ENTREP2: variants seen among roughly 807,000 people sequenced by gnomAD.
ENTREP2 encodes protein ENTREP2.
At chr15:29,573,631 C>CTG in the ENTREP2 span, among the ~76,000 whole-genome samples, 2 of 141,026 alleles carry the variant, frequency 1.4e-5, no homozygotes, top group East Asian at 5.5e-4. Flanking sequence ...TCTCTCTCTT[C>CTG]TCTCTCTCTC....
At chr15:29,489,507 T>C in the ENTREP2 span, among the ~76,000 whole-genome samples, 1 of 152,234 alleles carries the variant, frequency 6.6e-6, no homozygotes. Context: ...ATTCTGTATG[T>C]GCGTATTTTA....
At chr15:29,267,956 T>C in the ENTREP2 span, 1 of 152,224 alleles carries the variant, frequency 6.6e-6, no homozygotes, top group Admixed American at 6.5e-5. Flanking sequence ...ATGGTTACGC[T>C]ATTGTTTTAT....
chr15:29,620,729 A>G, the ENTREP2 span, among the ~76,000 whole-genome samples: 1 of 152,066 alleles, frequency 6.6e-6, no homozygotes, highest in African/African-American at 2.4e-5. Context: ...GGGAAGAAGG[A>G]GTTCATGGAA....
the ENTREP2 span, chr15:29,452,791 A>G: frequency 1.3e-5 from 2 of 150,160 alleles, no homozygotes; most frequent in East Asian, 2.0e-4. Flanking sequence ...TCAACATAAC[A>G]CTTAAAGCAA....
the ENTREP2 span, among the ~76,000 whole-genome samples, chr15:29,241,587 G>A: frequency 3.6e-4 from 55 of 152,110 alleles, no homozygotes; most frequent in East Asian, 9.5e-3. Context: ...AAAAAGAAAG[G>A]GAAAATAGTT....
At chr15:29,666,749 C>A in the ENTREP2 span, among the ~76,000 whole-genome samples, 3 of 152,172 alleles carry the variant, frequency 2.0e-5, no homozygotes, top group Non-Finnish European at 2.9e-5. Context: ...AGTGGCCTTC[C>A]TTGACACTGT....
At chr15:29,128,678 G>A in the ENTREP2 span, 18 of 832,630 alleles carry the variant, frequency 2.2e-5, no homozygotes, top group South Asian at 4.3e-5. Flanking sequence ...AGAAATGGAG[G>A]GAGGAGGAGG....
At chr15:29,296,545 C>A in the ENTREP2 span, among the ~76,000 whole-genome samples, 1 of 152,090 alleles carries the variant, frequency 6.6e-6, no homozygotes, top group South Asian at 2.1e-4. Context: ...GAACCTAAAG[C>A]AAAGTAAAAA....
At chr15:29,127,504 T>C in the ENTREP2 span, among the ~76,000 whole-genome samples, 4 of 152,120 alleles carry the variant, frequency 2.6e-5, no homozygotes, top group African/African-American at 9.7e-5. Flanking sequence ...TTCCTGTCCG[T>C]CTGTGAGGCA....
At chr15:29,394,360 G>A in the ENTREP2 span, among the ~76,000 whole-genome samples, 2 of 151,992 alleles carry the variant, frequency 1.3e-5, no homozygotes, top group South Asian at 4.2e-4. Context: ...CTATGTGGAG[G>A]GAAAGAGGTT....
At chr15:29,264,141 C>A in the ENTREP2 span, among the ~76,000 whole-genome samples, 2 of 11,590 alleles carry the variant, frequency 1.7e-4, no homozygotes, top group African/African-American at 8.5e-4. Context: ...GGCGACAGAG[C>A]GAGACTCCGT....
chr15:29,242,700 C>T, the ENTREP2 span, among the ~76,000 whole-genome samples: 1 of 152,222 alleles, frequency 6.6e-6, no homozygotes, highest in South Asian at 2.1e-4. Flanking sequence ...CAGACATGGC[C>T]TTCTCCCTTG....
At chr15:29,239,801 G>A in the ENTREP2 span, among the ~76,000 whole-genome samples, 2 of 152,136 alleles carry the variant, frequency 1.3e-5, no homozygotes, top group South Asian at 4.1e-4. Context: ...GCAAGGAAGA[G>A]CTCACACTTC....
chr15:29,441,536 T>C, the ENTREP2 span, among the ~76,000 whole-genome samples: 2 of 152,174 alleles, frequency 1.3e-5, no homozygotes, highest in African/African-American at 2.4e-5. Context: ...CTGCAATTGT[T>C]GAGGGACAGT....
At chr15:29,648,098 A>T in the ENTREP2 span, among the ~76,000 whole-genome samples, 1 of 152,120 alleles carries the variant, frequency 6.6e-6, no homozygotes, top group South Asian at 2.1e-4. Flanking sequence ...GAACATCATC[A>T]TCATTTACCT....
chr15:29,561,077 T>A, the ENTREP2 span, among the ~76,000 whole-genome samples: 1 of 10,468 alleles, frequency 9.6e-5, no homozygotes, highest in Non-Finnish European at 1.6e-4. Context: ...ACAATGGCTA[T>A]TCTCACAATG....
At chr15:29,522,056 A>C in the ENTREP2 span, among the ~76,000 whole-genome samples, 1 of 152,206 alleles carries the variant, frequency 6.6e-6, no homozygotes, top group Non-Finnish European at 1.5e-5. Flanking sequence ...ATGGTGCTGG[A>C]AAAACTGGAT....
At chr15:29,381,455 CAAAAAA>C in the ENTREP2 span, among the ~76,000 whole-genome samples, 404 of 44,286 alleles carry the variant, frequency 9.1e-3, 2 homozygotes, top group African/African-American at 0.027. Flanking sequence ...GACTCTGTCT[CAAAAAA>C]AAAAAAAAAA....
the ENTREP2 span, among the ~76,000 whole-genome samples, chr15:29,389,816 T>C: frequency 6.6e-6 from 1 of 151,338 alleles, no homozygotes. Flanking sequence ...TGTTTATTTG[T>C]TTCTTCGGGA....
Sources: gnomAD v4.1 joint callset for allele counts (sites outside exome capture counted in the v4.1 genomes callset) on GRCh38, gnomAD v4.1.1 for gene constraint, MANE v1.5 for transcripts, NCBI Gene and HGNC (gene_info 2026-07-23, HGNC 2026-07-21) for gene names.